The following RGP1 variants were observed in gnomAD, a reference collection of about 807,000 sequenced individuals.
RGP1 encodes the protein RGP1 partner of RAB6A GEF complex.
A neutral mutation model predicts 44.5 loss-of-function variants in RGP1; 28 were observed. That is an observed-to-expected ratio of 0.63 (90% CI 0.47 to 0.86). The LOEUF is 0.86. Among genes scored for constraint, RGP1 ranks in the 40% least tolerant of loss-of-function variants. The probability of loss-of-function intolerance (pLI) is 0.00; values close to 1 mark genes in which losing one functional copy is unlikely to be tolerated. For synonymous variants in RGP1, 212 were observed against 196.7 expected (o/e 1.08, Z -0.65); for missense variants, 417 against 490.7 (o/e 0.85, Z 1.42).
At chr9:35,768,811 A>T in the RGP1 span, among the ~76,000 whole-genome samples, 3 of 152,110 alleles carry the variant, frequency 2.0e-5, no homozygotes, top group East Asian at 1.9e-4. Flanking sequence ...TAAGCAGGAG[A>T]GGGGTTGCTA....
At chr9:35,784,940 C>G in the RGP1 span, among the ~76,000 whole-genome samples, 1 of 152,176 alleles carries the variant, frequency 6.6e-6, no homozygotes, top group Non-Finnish European at 1.5e-5. Flanking sequence ...CCAAGCTTTA[C>G]TCTTCACAGA....
the RGP1 span, among the ~76,000 whole-genome samples, chr9:35,763,860 C>T: frequency 9.1e-6 from 1 of 110,312 alleles, no homozygotes; most frequent in Admixed American, 1.3e-4. Context: ...CCAGTTTGGG[C>T]AACAGAGTGA....
chr9:35,789,263 C>G, the RGP1 span, among the ~76,000 whole-genome samples: 1 of 151,880 alleles, frequency 6.6e-6, no homozygotes, highest in Non-Finnish European at 1.5e-5. Flanking sequence ...AACAATCCTC[C>G]TACCTTGGCC....
the RGP1 span, among the ~76,000 whole-genome samples, chr9:35,787,785 T>C: frequency 2.1e-4 from 32 of 152,366 alleles, no homozygotes; most frequent in Non-Finnish European, 4.6e-4. Flanking sequence ...TCCTTTTCTA[T>C]TGAGATGTGT....
downstream of RGP1, among the ~76,000 whole-genome samples, chr9:35,760,502 G>A (rs1011195224): frequency 5.3e-5 from 8 of 152,138 alleles, no homozygotes; most frequent in African/African-American, 1.9e-4. Context: ...TAGAATTACT[G>A]TACTAGAATA....
At chr9:35,761,502 C>T (rs1028842939), downstream of RGP1, among the ~76,000 whole-genome samples, 2 of 151,958 alleles carry the variant, frequency 1.3e-5, no homozygotes, top group Non-Finnish European at 1.5e-5. Context: ...AAAACCCTGT[C>T]TCTACAAAAA....
At chr9:35,780,013 C>T in the RGP1 span, among the ~76,000 whole-genome samples, 1 of 152,234 alleles carries the variant, frequency 6.6e-6, no homozygotes, top group Non-Finnish European at 1.5e-5. Context: ...CTTGGGCTTA[C>T]AGGCATGAGC....
the RGP1 span, among the ~76,000 whole-genome samples, chr9:35,771,159 C>T: frequency 6.6e-6 from 1 of 152,164 alleles, no homozygotes; most frequent in South Asian, 2.1e-4. Context: ...TTGGCTAGCA[C>T]TCCTTTTCTG....
rs921390910 is a variant in RGP1 at position 35,753,497 on chromosome 9, G to A, written c.*623G>A. ...CCACCCCAACCTCCCCTGATTTATA[G>A]CCTGAAGCCTTATCTTTCACACTAG... On this transcript the variant is annotated 3_prime_UTR_variant, in exon 9 of 9. Coordinates refer to ENST00000378078, the MANE Select transcript of RGP1 (RefSeq NM_001080496.3). This position sits in a 1 kb window ranked among gnomAD's most constrained non-coding sequence, Gnocchi z 4.2. 1.3e-6 allele frequency: 1 copy of A among 773,548 alleles called. No individual in the cohort carries two copies. The highest frequency in any genetic ancestry group is 2.1e-6 in the Non-Finnish European group (1 of 479,070). The allele number at this position is 773,548 out of a possible 1,614,324, so 47.9% of individuals were successfully genotyped here. A position where few individuals can be genotyped will look rare whatever the true frequency, so the allele number is the denominator to read the frequency against.
At chr9:35,779,004 A>T in the RGP1 span, among the ~76,000 whole-genome samples, 4 of 152,188 alleles carry the variant, frequency 2.6e-5, no homozygotes, top group South Asian at 8.3e-4. Context: ...TGAGCTCCTT[A>T]TTTCATATAA....
At chr9:35,785,157 T>A in the RGP1 span, among the ~76,000 whole-genome samples, 2 of 152,224 alleles carry the variant, frequency 1.3e-5, no homozygotes, top group African/African-American at 4.8e-5. Flanking sequence ...AGGGTTGTTG[T>A]CAGCACAACT....
the RGP1 span, among the ~76,000 whole-genome samples, chr9:35,774,977 C>A: frequency 6.6e-6 from 1 of 152,112 alleles, no homozygotes; most frequent in South Asian, 2.1e-4. Context: ...TTTATAATAC[C>A]CTTTTCTCTC....
rs530375145 is a variant in RGP1 at position 35,749,909 on chromosome 9, G to A, written c.116+38G>A. The A allele has an allele frequency of 6.2e-5, 90 of 1,462,834 alleles. No individual in the cohort carries two copies. The South Asian group carries it at 9.4e-4, about 15-fold the overall frequency. The allele number at this position is 1,462,834 out of a possible 1,614,324, so 90.6% of individuals were successfully genotyped here. ...GCACTGAAGGTGGTGGCCCTTCTGGGAAGAAGCCAGATTATCTCTGGGGCT... is the reference window on the plus strand; with the variant it reads ...GCACTGAAGGTGGTGGCCCTTCTGGAAAGAAGCCAGATTATCTCTGGGGCT... On this transcript the variant is annotated intron_variant, in intron 2 of 8. Coordinates refer to ENST00000378078, the MANE Select transcript of RGP1 (RefSeq NM_001080496.3). The surrounding 1 kb of genome is among the most constrained non-coding windows in gnomAD (Gnocchi z 4.4).
intron 6 of RGP1, 54 bp from the exon 7 acceptor site, chr9:35,751,573 C>A: frequency 6.2e-7 from 1 of 1,612,440 alleles, no homozygotes; most frequent in Non-Finnish European, 8.5e-7. Context: ...GTGCCCAGTC[C>A]TAGACGTTAT....
chr9:35,751,855 G>T, intron 7 of RGP1, 101 bp downstream of exon 7: 1 of 1,579,882 alleles, frequency 6.3e-7, no homozygotes, highest in Non-Finnish European at 8.6e-7. Flanking sequence ...AGGGGATAGT[G>T]GGGTCATCCA....
chr9:35,772,394 A>G, the RGP1 span: 2 of 152,204 alleles, frequency 1.3e-5, no homozygotes, highest in Admixed American at 1.3e-4. Context: ...TTTTAAGTAG[A>G]TGACAGTAAC....
At chr9:35,763,057 G>C (rs1453578933), downstream of RGP1, among the ~76,000 whole-genome samples, 1 of 152,172 alleles carries the variant, frequency 6.6e-6, no homozygotes, top group Non-Finnish European at 1.5e-5. Flanking sequence ...AGAATTCAAT[G>C]AAAGCTTCTC....
At chr9:35,766,237 T>C in the RGP1 span, among the ~76,000 whole-genome samples, 1 of 152,096 alleles carries the variant, frequency 6.6e-6, no homozygotes, top group Non-Finnish European at 1.5e-5. Flanking sequence ...TTTAATGACA[T>C]TGAGCATCTT....
the RGP1 span, among the ~76,000 whole-genome samples, chr9:35,768,304 C>T: frequency 6.6e-6 from 1 of 151,064 alleles, no homozygotes; most frequent in African/African-American, 2.4e-5. Context: ...TCAAGCGATC[C>T]ACCCACCTTG....
Sources: allele counts gnomAD v4.1 joint callset (sites outside exome capture counted in the v4.1 genomes callset), GRCh38; gene constraint gnomAD v4.1.1; non-coding constraint Gnocchi (gnomAD v3.1); transcripts MANE v1.5; gene names NCBI Gene and HGNC (gene_info 2026-07-23, HGNC 2026-07-21).